The following STK32B variants were observed in gnomAD, a reference collection of about 807,000 sequenced individuals.
STK32B encodes serine/threonine-protein kinase 32B.
STK32B carries 43 observed loss-of-function variants against 52.6 expected under a neutral mutation model. The ratio of observed to expected loss-of-function variants is 0.82; its 90% confidence interval spans 0.64 to 1.05. The LOEUF (loss-of-function observed/expected upper bound fraction) is 1.05, where lower values mean the gene tolerates loss of function less well. Ranked by LOEUF, STK32B falls within the 50% of genes least tolerant of loss-of-function variation. The pLI is 0.00. For synonymous variants in STK32B, 238 were observed against 204.3 expected, an observed-to-expected ratio of 1.17 and a Z score of -1.41; for missense variants, 621 against 534.6, an observed-to-expected ratio of 1.16 and a Z score of -1.59.
intron 4 of STK32B, among the ~76,000 whole-genome samples, chr4:5,363,820 C>A (rs1191776312): frequency 6.6e-6 from 1 of 152,028 alleles, no homozygotes; most frequent in African/African-American, 2.4e-5. Context: ...AGTGTTTACC[C>A]ATTATTTGCC....
At chr4:5,290,339 A>G (rs1728817803) in intron 3 of STK32B, among the ~76,000 whole-genome samples, 1 of 152,182 alleles carries the variant, frequency 6.6e-6, no homozygotes, top group African/African-American at 2.4e-5. Context: ...CAAACATTTT[A>G]CAGCTAAACA....
chr4:5,441,463 ATTTTTTATTGCATCTATT>A (rs1341589016), intron 6 of STK32B, among the ~76,000 whole-genome samples: 3 of 150,288 alleles, frequency 2.0e-5, no homozygotes, highest in Non-Finnish European at 4.4e-5. Context: ...CCCCTTTATC[ATTTTTTATTGCATCTATT>A]TGATTCTTCT....
chr4:5,297,925 A>G (rs1308977896), intron 3 of STK32B, among the ~76,000 whole-genome samples: 1 of 152,082 alleles, frequency 6.6e-6, no homozygotes. Flanking sequence ...GGATTTATCT[A>G]CCTTTGATCT....
intron 3 of STK32B, among the ~76,000 whole-genome samples, chr4:5,263,264 C>G (rs1002848981): frequency 5.3e-5 from 8 of 152,162 alleles, no homozygotes; most frequent in African/African-American, 1.9e-4. Flanking sequence ...TCCGTGCAGT[C>G]CCATATAATT....
intron 2 of STK32B, among the ~76,000 whole-genome samples, chr4:5,140,698 AACT>A (rs1716374352): frequency 2.0e-5 from 3 of 152,168 alleles, no homozygotes; most frequent in Admixed American, 2.0e-4. Flanking sequence ...GACTATTTAA[AACT>A]CATAGAGCTA....
chr4:5,474,461 C>G (rs1400062915), intron 11 of STK32B, among the ~76,000 whole-genome samples: 1 of 152,208 alleles, frequency 6.6e-6, no homozygotes. Context: ...AGTGCTTTGA[C>G]ATTTCTCGTA....
chr4:5,059,375 G>C (rs78528788), intron 1 of STK32B, among the ~76,000 whole-genome samples: 23,329 of 152,104 alleles, frequency 0.15, 2,169 homozygotes, highest in Non-Finnish European at 0.21. Flanking sequence ...TTGCACGGAA[G>C]ATGTTTCCTT....
intron 1 of STK32B, among the ~76,000 whole-genome samples, chr4:5,125,411 A>T (rs1412938895): frequency 6.6e-6 from 1 of 152,220 alleles, no homozygotes; most frequent in Non-Finnish European, 1.5e-5. Context: ...TTAATGCAAT[A>T]GGTCCCTCCA....
intron 4 of STK32B, among the ~76,000 whole-genome samples, chr4:5,333,805 T>C (rs1732439378): frequency 6.6e-6 from 1 of 152,154 alleles, no homozygotes; most frequent in South Asian, 2.1e-4. Context: ...GGCTTATTTC[T>C]GAGGGCTCTG....
intron 11 of STK32B, 121 bp downstream of exon 11, chr4:5,468,191 T>A: frequency 1.1e-6 from 1 of 929,992 alleles, no homozygotes; most frequent in Non-Finnish European, 1.7e-6. Context: ...AAGGTATCGC[T>A]GAGGTGAGAC....
At chr4:5,281,715 G>A (rs1012853137) in intron 3 of STK32B, among the ~76,000 whole-genome samples, 3 of 152,038 alleles carry the variant, frequency 2.0e-5, no homozygotes, top group East Asian at 1.9e-4. Context: ...TTGTATTAAC[G>A]CTGTAAAAAA....
At chr4:5,309,103 A>T (rs1285991406) in intron 3 of STK32B, among the ~76,000 whole-genome samples, 1 of 152,152 alleles carries the variant, frequency 6.6e-6, no homozygotes, top group East Asian at 1.9e-4. Flanking sequence ...TACACCAACA[A>T]AAAACTAGTG....
At chr4:5,140,153 A>G in intron 2 of STK32B, 193 bp downstream of exon 2, 1 of 1,432,030 alleles carries the variant, frequency 7.0e-7, no homozygotes, top group Non-Finnish European at 9.5e-7. Context: ...TTAAATTACC[A>G]CAACAGCCCT....
At chr4:5,120,898 TA>T (rs1714989271) in intron 1 of STK32B, among the ~76,000 whole-genome samples, 1 of 151,692 alleles carries the variant, frequency 6.6e-6, no homozygotes, top group Admixed American at 6.6e-5. Flanking sequence ...AAAATTATAA[TA>T]TATTTTCGTT....
intron 3 of STK32B, among the ~76,000 whole-genome samples, chr4:5,292,681 T>C (rs866033597): frequency 6.6e-6 from 1 of 152,270 alleles, no homozygotes; most frequent in East Asian, 1.9e-4. Context: ...ATTTTTGTTT[T>C]TGTTCTCTTT....
At chr4:5,035,547 AGTGCTGCCCTG>A in the STK32B span, among the ~76,000 whole-genome samples, 1 of 152,160 alleles carries the variant, frequency 6.6e-6, no homozygotes, top group Non-Finnish European at 1.5e-5. Context: ...GGCTGCCCAA[AGTGCTGCCCTG>A]GCAGGTGAGG....
chr4:5,322,920 G>C (rs1193439594), intron 3 of STK32B, among the ~76,000 whole-genome samples: 1 of 152,190 alleles, frequency 6.6e-6, no homozygotes, highest in South Asian at 2.1e-4. Context: ...TTTGTAAGCA[G>C]CCTCCAAGGC....
Position 5,051,878 on chromosome 4 carries a change from C to G in STK32B, c.15C>G (p.His5Gln), listed in dbSNP as rs148512879. Residue 5 changes from histidine (H) to glutamine (Q), a missense_variant, in exon 1 of 12, where the codon CAC (histidine) becomes CAG (glutamine). Transcript: ENST00000282908. MGGN[H>Q]SHKPPVFDEN... is the part of the protein sequence containing the mutation. Reference sequence around the variant, plus strand: ...AACGGCGGAATATGGGCGGGAACCACTCCCACAAGCCCCCCGTGTTTGACG... The same window carrying G: ...AACGGCGGAATATGGGCGGGAACCAGTCCCACAAGCCCCCCGTGTTTGACG... 1 of 1,600,152 alleles carries G rather than the reference C, an allele frequency of 6.2e-7. No homozygotes were observed. Among genetic ancestry groups the G allele is most frequent in the Non-Finnish European group, 8.5e-7 (1 of 1,173,858 alleles).
At chr4:5,493,886 G>T (rs919901910) in intron 11 of STK32B, among the ~76,000 whole-genome samples, 4 of 152,260 alleles carry the variant, frequency 2.6e-5, no homozygotes, top group Admixed American at 6.5e-5. Context: ...TAGTTGAGTG[G>T]TTTTGCGTTA....
Sources: allele counts gnomAD v4.1 joint callset (sites outside exome capture counted in the v4.1 genomes callset), GRCh38; gene constraint gnomAD v4.1.1; transcripts MANE v1.5; gene names NCBI Gene and HGNC (gene_info 2026-07-23, HGNC 2026-07-21).